Variants in KIF11 observed in about 807,000 individuals in gnomAD.
KIF11 encodes kinesin-like protein KIF11.
KIF11 carries 9 observed loss-of-function variants against 121.0 expected under a neutral mutation model. That is an observed-to-expected ratio of 0.07 (90% CI 0.04 to 0.13). KIF11 has a LOEUF of 0.13. KIF11 is among the 10% of genes least tolerant of loss of function. KIF11 has a pLI of 1.00. For missense variants in KIF11, 846 were observed against 1,217.5 expected (o/e 0.69, Z 4.54); for synonymous variants, 408 against 421.0 (o/e 0.97, Z 0.38).
At chr10:92,593,947 A>C (rs1254189298) in intron 1 of KIF11, among the ~76,000 whole-genome samples, 2 of 152,228 alleles carry the variant, frequency 1.3e-5, no homozygotes, top group Non-Finnish European at 2.9e-5. Flanking sequence ...GATCAAGACA[A>C]GTTAAGCTAG....
Position 92,653,623 on chromosome 10 carries a change from G to A in KIF11, c.3040-42G>A, listed in dbSNP as rs17875344. On this transcript the variant is annotated intron_variant, in intron 21 of 21. Coordinates refer to ENST00000260731, the MANE Select transcript of KIF11 (RefSeq NM_004523.4). ...AGAGTGTAGTTAATGTGTATCTAAT[G>A]TTACTTTGTATTGACTTAATTTTCC... The A allele has an allele frequency of 0.038, 59,366 of 1,573,922 alleles. 1,343 individuals carry two copies. Among genetic ancestry groups the A allele is most frequent in the Admixed American group, 0.075 (4,137 of 55,516 alleles).
In KIF11 at chr10:92,613,319, A is replaced by C; in HGVS notation, c.790-58A>C. 7.8e-7 allele frequency: 1 copy of C among 1,274,006 alleles called. No homozygotes were observed. The highest frequency in any genetic ancestry group is 1.1e-6 in the Non-Finnish European group (1 of 921,094). 78.9% of individuals were successfully genotyped at this position (1,274,006 alleles called of 1,614,324 possible). ...TACATTATGTATCCTGTGAGAATGA[A>C]AGTCTTTGAATCCAAATCCAATAGA... is the stretch of plus-strand genomic sequence containing the variant. On this transcript the variant is annotated intron_variant, in intron 7 of 21. Transcript: ENST00000260731. This position sits in a 1 kb window ranked among gnomAD's most constrained non-coding sequence, Gnocchi z 4.2.
At chr10:92,650,988 C>T (rs948306472) in intron 21 of KIF11, among the ~76,000 whole-genome samples, 1 of 152,036 alleles carries the variant, frequency 6.6e-6, no homozygotes, top group Admixed American at 6.6e-5. Flanking sequence ...TTCCTGAGCA[C>T]CTTGCCTGCT....
chr10:92,632,247 A>G (rs1270213852), intron 12 of KIF11, among the ~76,000 whole-genome samples: 1 of 151,582 alleles, frequency 6.6e-6, no homozygotes, highest in Non-Finnish European at 1.5e-5. Flanking sequence ...GGCTCACTGC[A>G]ACCTCCACCT....
intron 18 of KIF11, among the ~76,000 whole-genome samples, chr10:92,646,472 T>A (rs114959382): frequency 0.013 from 1,985 of 152,298 alleles, 45 homozygotes; most frequent in African/African-American, 0.044. Context: ...AAATTTTTAA[T>A]CTATATAAGC....
chr10:92,639,985 CCT>C, intron 17 of KIF11, 85 bp downstream of exon 17: 1 of 664,040 alleles, frequency 1.5e-6, no homozygotes, highest in Non-Finnish European at 2.6e-6. Context: ...ACAAATAATT[CCT>C]CTGTGTACTT....
Position 92,649,933 on chromosome 10 carries a change from G to C in KIF11, c.2869G>C (p.Glu957Gln). 6.2e-7 allele frequency: 1 copy of C among 1,612,740 alleles called. No individual in the cohort carries two copies. The highest frequency in any genetic ancestry group is 1.1e-5 in the South Asian group (1 of 91,046). ...LLDQLKRKQP[E>Q]LLMMLNCSEN... is the part of the protein sequence containing the mutation. ...TGATCAGCTGAAAAGGAAACAGCCT[G>C]AGCTGTTAATGATGCTAAACTGTTC... The change falls in exon 20 of 22, where the codon GAG becomes CAG. Residue 957 changes from glutamate to glutamine, a missense_variant. This residue lies in a region of KIF11 where 492 missense variants were observed against 603.4 expected (regional missense o/e 0.82). Transcript: ENST00000260731.
In KIF11 at chr10:92,608,944, T is replaced by C. The variant is rs998659352; in HGVS notation, c.388-76T>C. On this transcript the variant is annotated intron_variant, in intron 4 of 21. Coordinates refer to ENST00000260731, the MANE Select transcript of KIF11 (RefSeq NM_004523.4). ...GCCATACTTATGTTTAAATATATTA[T>C]AAAGGAGGCCCATGTATTTTAACTG... The C allele has an allele frequency of 5.2e-6, 4 of 763,494 alleles. No individual in the cohort carries two copies. In the African/African-American group the frequency reaches 5.4e-5, roughly 10 times the overall value. The allele number at this position is 763,494 out of a possible 1,614,324, so 47.3% of individuals were successfully genotyped here. A position where few individuals can be genotyped will look rare whatever the true frequency, so the allele number is the denominator to read the frequency against.
At position 92,621,596 on chromosome 10, in the gene KIF11, T is replaced by TTGTGTGTGTGTGTGTGTGTGTGTGTG. The variant is rs374159901; in HGVS notation, c.1217+138_1217+139insGTGTGTGTGTGTGTGTGTGTGTGTGT. 2.3e-3 allele frequency: 1,368 copies of TTGTGTGTGTGTGTGTGTGTGTGTGTG among 596,006 alleles called. 10 individuals carry two copies. Among genetic ancestry groups the TTGTGTGTGTGTGTGTGTGTGTGTGTG allele is most frequent in the African/African-American group, 0.011 (570 of 51,066 alleles). 36.9% of individuals were successfully genotyped at this position (596,006 alleles called of 1,614,324 possible). On this transcript the variant is annotated intron_variant, in intron 10 of 21. Transcript: ENST00000260731. Reference sequence around the variant, plus strand: ...ATCCAGTGCCGATAAATACTTCATTTTGTGTGTGTGTGTGTTTTCTTTTGA... The same window carrying TTGTGTGTGTGTGTGTGTGTGTGTGTG: ...ATCCAGTGCCGATAAATACTTCATTTTGTGTGTGTGTGTGTGTGTGTGTGTGTGTGTGTGTGTGTGTTTTCTTTTGA...
chr10:92,596,272 G>A (rs1844295382), intron 1 of KIF11, among the ~76,000 whole-genome samples: 1 of 152,200 alleles, frequency 6.6e-6, no homozygotes, highest in African/African-American at 2.4e-5. Flanking sequence ...CTAAGAGCCG[G>A]GATTACAGGC....
intron 17 of KIF11, among the ~76,000 whole-genome samples, chr10:92,640,342 A>G (rs968411122): frequency 6.6e-5 from 10 of 152,238 alleles, no homozygotes; most frequent in African/African-American, 2.4e-4. Flanking sequence ...GAGTCATTGC[A>G]TCCAGGTCAT....
chr10:92,596,885 G>C (rs560144421), intron 1 of KIF11: 21 of 225,328 alleles, frequency 9.3e-5, no homozygotes, highest in African/African-American at 4.9e-4. Flanking sequence ...CCTCTTTGTT[G>C]ATTCTGTGTT....
intron 1 of KIF11, among the ~76,000 whole-genome samples, chr10:92,602,489 G>T (rs555984049): frequency 3.4e-4 from 52 of 152,114 alleles, no homozygotes; most frequent in Middle Eastern, 3.4e-3. Flanking sequence ...TTTAGTCTTT[G>T]TAAGTATTGT....
rs144185852 is a variant in KIF11, at chr10:92,612,160, G to A, written c.699-880G>A. Among the ~76,000 whole-genome samples, 3 of 150,720 alleles carry A rather than the reference G, an allele frequency of 2.0e-5. No homozygotes were observed. The East Asian group carries it at 5.8e-4, about 29-fold the overall frequency. ...TTTTGTGATTTTTTTTTTTGAGACAGCGTCTCACTTTGTCACCCAGGCTGG... is the reference window on the plus strand; with the variant it reads ...TTTTGTGATTTTTTTTTTTGAGACAACGTCTCACTTTGTCACCCAGGCTGG... On this transcript the variant is annotated intron_variant, in intron 6 of 21. Coordinates refer to ENST00000260731, the MANE Select transcript of KIF11 (RefSeq NM_004523.4).
At chr10:92,636,138 C>T (rs1844793050) in intron 14 of KIF11, among the ~76,000 whole-genome samples, 1 of 152,218 alleles carries the variant, frequency 6.6e-6, no homozygotes, top group East Asian at 1.9e-4. Flanking sequence ...AAGTTAAGTA[C>T]TTCCAGCCCA....
intron 17 of KIF11, among the ~76,000 whole-genome samples, chr10:92,643,551 C>A (rs1380343565): frequency 1.4e-5 from 2 of 143,970 alleles, no homozygotes; most frequent in Admixed American, 1.4e-4. Flanking sequence ...AATGTATCTA[C>A]TAGATTTTTT....
intron 3 of KIF11, 25 bp from the exon 4 acceptor site, chr10:92,607,134 A>G: frequency 4.1e-6 from 6 of 1,447,840 alleles, no homozygotes; most frequent in Non-Finnish European, 5.8e-6. Flanking sequence ...TTTCTTTTTG[A>G]TTTAACACTT....
Position 92,593,242 on chromosome 10 carries a change from G to A in KIF11, c.-134G>A, listed in dbSNP as rs1844250908. The A allele has an allele frequency of 1.3e-6, 1 of 763,400 alleles. No homozygotes were observed. 47.3% of individuals were successfully genotyped at this position (763,400 alleles called of 1,614,324 possible). Reference sequence around the variant, plus strand: ...AGAGAGCGGGGACGCCGACCTGCGTGCGTCGGTCCTCCAGGCCACGCCAGC... The same window carrying A: ...AGAGAGCGGGGACGCCGACCTGCGTACGTCGGTCCTCCAGGCCACGCCAGC... On this transcript the variant is annotated 5_prime_UTR_variant, in exon 1 of 22. Transcript: ENST00000260731.
chr10:92,640,532 C>T (rs1237446722), intron 17 of KIF11, among the ~76,000 whole-genome samples: 4 of 152,140 alleles, frequency 2.6e-5, no homozygotes, highest in Admixed American at 1.3e-4. Flanking sequence ...TCCAGGCTCA[C>T]GCCATTCTCC....
Sources: allele counts gnomAD v4.1 joint callset (sites outside exome capture counted in the v4.1 genomes callset), GRCh38; gene constraint gnomAD v4.1.1; regional missense constraint gnomAD v4.1.1; non-coding constraint Gnocchi (gnomAD v3.1); transcripts MANE v1.5; gene names NCBI Gene and HGNC (gene_info 2026-07-23, HGNC 2026-07-21).